USP20: variants seen among roughly 807,000 people sequenced by gnomAD.
The protein encoded by USP20 is ubiquitin carboxyl-terminal hydrolase 20.
USP20 carries 80 observed loss-of-function variants against 124.2 expected under a neutral mutation model. The ratio of observed to expected loss-of-function variants is 0.64; its 90% CI spans 0.54 to 0.78. The LOEUF (loss-of-function observed/expected upper bound fraction) is 0.78. Ranked by LOEUF, USP20 falls within the 30% of genes least tolerant of loss-of-function variation. The pLI is 0.00. For missense variants in USP20, 1,043 were observed against 1,244.4 expected (o/e 0.84, Z 2.44); for synonymous variants, 481 against 512.3 (o/e 0.94, Z 0.83).
Position 129,879,590 on chromosome 9 carries a change from G to A in USP20, c.2530G>A (p.Asp844Asn). Residue 844 changes from aspartate to asparagine, a missense_variant, in exon 24 of 26, where the codon GAC (aspartate) becomes AAC (asparagine). Coordinates refer to ENST00000372429, the MANE Select transcript of USP20 (RefSeq NM_001110303.4). The surrounding 1 kb of genome is among the most constrained non-coding windows in gnomAD (Gnocchi z 4.2). ...TGTTGCAGAGCCCCCCGGGCCCATT[G>A]ACAACAGCAGGATTGCACAGGTCAA... is the stretch of plus-strand genomic sequence containing the variant. ...GKDNEPPGPI[D>N]NSRIAQVKGS... 6.2e-7 allele frequency: 1 copy of A among 1,613,740 alleles called. No individual in the cohort carries two copies. The highest frequency in any genetic ancestry group is 8.5e-7 in the Non-Finnish European group (1 of 1,179,968).
chr9:129,862,819 G>A (rs1395882051), intron 8 of USP20, among the ~76,000 whole-genome samples: 1 of 148,330 alleles, frequency 6.7e-6, no homozygotes, highest in Non-Finnish European at 1.5e-5. Context: ...GGCAGGAGAA[G>A]CACTTGAACC....
At chr9:129,873,080 C>CTTTTTTTTTTTTTTTTTTTTTTTT (rs59712662) in intron 15 of USP20, among the ~76,000 whole-genome samples, 3 of 78,354 alleles carry the variant, frequency 3.8e-5, no homozygotes, top group Non-Finnish European at 7.0e-5. Context: ...TTTTCTTCTT[C>CTTTTTTTTTTTTTTTTTTTTTTTT]TTTTTTTTTT....
At chr9:129,863,395 GC>G (rs2033652163) in intron 9 of USP20, 96 bp downstream of exon 9, 2 of 960,930 alleles carry the variant, frequency 2.1e-6, no homozygotes, top group Admixed American at 2.5e-5. Flanking sequence ...TCAGCCCCCA[GC>G]GAGGACTTGC....
intron 1 of USP20, among the ~76,000 whole-genome samples, chr9:129,836,470 C>G (rs555245445): frequency 5.3e-5 from 8 of 152,100 alleles, no homozygotes; most frequent in Non-Finnish European, 1.5e-5. Context: ...CAGTCTCTGC[C>G]GCACGGTTTG....
chr9:129,869,675 T>C lies in USP20; in HGVS notation c.1396T>C (p.Ser466Pro), dbSNP rs1351479183. Residue 466 changes from serine to proline, a missense_variant, in exon 14 of 26, where the codon TCC becomes CCC. Coordinates refer to ENST00000372429, the MANE Select transcript of USP20 (RefSeq NM_001110303.4). ...AGACTGACCTTCAACCCCACAGGTA[T>C]CCACCACAGTGGAAACGTTCCAGGA... ...LVQCLTCDRV[S>P]TTVETFQDLS... 3.1e-6 allele frequency: 5 copies of C among 1,614,056 alleles called. No individual in the cohort carries two copies. The highest frequency in any genetic ancestry group is 3.4e-6 in the Non-Finnish European group (4 of 1,180,008).
chr9:129,854,247 G>C (rs1332704252), intron 3 of USP20, among the ~76,000 whole-genome samples: 2 of 152,148 alleles, frequency 1.3e-5, no homozygotes, highest in African/African-American at 4.8e-5. Flanking sequence ...TTCTGCTTCT[G>C]GGAATTTATC....
At chr9:129,844,004 G>T (rs988335371) in intron 1 of USP20, among the ~76,000 whole-genome samples, 11 of 152,074 alleles carry the variant, frequency 7.2e-5, no homozygotes, top group Admixed American at 6.5e-4. Context: ...GGAGGTAGAG[G>T]CTGCAGTGAA....
Position 129,874,478 on chromosome 9 carries a change from C to T in USP20, c.1741-98C>T, listed in dbSNP as rs1279111328. On this transcript the variant is annotated intron_variant, in intron 17 of 25. Transcript: ENST00000372429. ...CTTGGATTTGTTCCAATGGAGTCAG[C>T]TTGCATGATCCCATCAGCTGTCCTG... The T allele has an allele frequency of 3.4e-6, 5 of 1,491,822 alleles. No homozygotes were observed. The African/African-American group carries it at 6.9e-5, about 21-fold the overall frequency. The allele number at this position is 1,491,822 out of a possible 1,614,324, so 92.4% of individuals were successfully genotyped here.
chr9:129,869,269 A>G (rs755513257), intron 12 of USP20, 41 bp from the exon 13 acceptor site: 1 of 1,575,880 alleles, frequency 6.3e-7, no homozygotes, highest in Non-Finnish European at 8.7e-7. Flanking sequence ...CGCCCCGGCC[A>G]GGCAGGTGGA....
intron 1 of USP20, 189 bp downstream of exon 1, chr9:129,835,688 G>T (rs2031765733): frequency 6.5e-6 from 1 of 154,274 alleles, no homozygotes. Flanking sequence ...CGCCCAGGGG[G>T]GCCTCTGGGC....
rs1588295273 is a variant in USP20 at position 129,879,698 on chromosome 9, G to A, written c.2584+54G>A. ...CCTCTCTGCCCTTCCTGGCTGCCAG[G>A]CTGCTGCCCAGTCCCGTCCTTCCAG... On this transcript the variant is annotated intron_variant, in intron 24 of 25. Transcript: ENST00000372429. The surrounding 1 kb of genome is among the most constrained non-coding windows in gnomAD (Gnocchi z 4.2). 2 of 1,599,506 alleles carry A rather than the reference G, an allele frequency of 1.3e-6. No individual in the cohort carries two copies. The highest frequency in any genetic ancestry group is 2.2e-5 in the East Asian group (1 of 44,792).
chr9:129,857,081 A>G (rs2033254494), intron 4 of USP20, among the ~76,000 whole-genome samples: 1 of 152,010 alleles, frequency 6.6e-6, no homozygotes, highest in Non-Finnish European at 1.5e-5. Flanking sequence ...ACGAGTAAAA[A>G]CAACAAAGAC....
chr9:129,841,302 G>A (rs971512224), intron 1 of USP20, among the ~76,000 whole-genome samples: 1 of 152,078 alleles, frequency 6.6e-6, no homozygotes, highest in Admixed American at 6.6e-5. Flanking sequence ...GTGTGAGTCC[G>A]GATTTTCTCA....
At position 129,875,298 on chromosome 9, in the gene USP20, C is replaced by G. The variant is rs751500963; in HGVS notation, c.2049-12C>G. On this transcript the variant is annotated splice_polypyrimidine_tract_variant and intron_variant, in intron 19 of 25. Transcript: ENST00000372429. ...GTCAGGCACAGCTTCTCGCCCCCTC[C>G]TCACCCCACAGGAAGAGCAGCGAGG... 10 of 1,595,530 alleles carry G rather than the reference C, an allele frequency of 6.3e-6. No homozygotes were observed. The highest frequency in any genetic ancestry group is 7.7e-6 in the Non-Finnish European group (9 of 1,169,406).
At chr9:129,870,342 C>A (rs1298573466) in intron 14 of USP20, 111 bp from the exon 15 acceptor site, 4 of 1,189,964 alleles carry the variant, frequency 3.4e-6, no homozygotes, top group African/African-American at 1.5e-5. Flanking sequence ...CTTCTCTGGG[C>A]CTTCAGGGTC....
intron 1 of USP20, among the ~76,000 whole-genome samples, chr9:129,838,487 A>T (rs2032002544): frequency 6.6e-6 from 1 of 152,190 alleles, no homozygotes; most frequent in Non-Finnish European, 1.5e-5. Flanking sequence ...GCCCTCTGGG[A>T]AAAGGGTGAT....
chr9:129,869,240 A>G, intron 12 of USP20, 70 bp from the exon 13 acceptor site: 3 of 1,492,212 alleles, frequency 2.0e-6, no homozygotes, highest in Non-Finnish European at 2.8e-6. Context: ...TGTCAAAGGA[A>G]GCCGCAGGGC....
Position 129,870,457 on chromosome 9 carries a change from G to C in USP20, c.1570G>C (p.Val524Leu), listed in dbSNP as rs770710065. 14 of 1,613,956 alleles carry C rather than the reference G, an allele frequency of 8.7e-6. No homozygotes were observed. Residue 524 changes from valine (V) to leucine (L), a missense_variant, in exon 15 of 26, where the codon GTG (valine) becomes CTG (leucine). Coordinates refer to ENST00000372429, the MANE Select transcript of USP20 (RefSeq NM_001110303.4). ...AFIVEYIRRF[V>L]VSCTPSWFWG... ...GCACTCCTTTTCTGTCTGTAGGTTTGTGGTATCCTGTACCCCCAGCTGGTT... is the reference window on the plus strand; with the variant it reads ...GCACTCCTTTTCTGTCTGTAGGTTTCTGGTATCCTGTACCCCCAGCTGGTT...
rs748859972 is a variant in USP20 at position 129,879,624 on chromosome 9, G to T, written c.2564G>T (p.Gly855Val). The change falls in exon 24 of 26, where the codon GGC becomes GTC. Residue 855 changes from glycine to valine, a missense_variant. Transcript: ENST00000372429. The surrounding 1 kb of genome is among the most constrained non-coding windows in gnomAD (Gnocchi z 4.2). The stretch of plus-strand genomic sequence containing the variant: ...AGGATTGCACAGGTCAAAGGAAGCG[G>T]CCATGTCCAGCTGAAGCAGGGTGAG... Reference protein sequence around the residue: ...NSRIAQVKGSGHVQLKQGADY... With the variant: ...NSRIAQVKGSVHVQLKQGADY... 2 of 1,613,872 alleles carry T rather than the reference G, an allele frequency of 1.2e-6. No homozygotes were observed. Among genetic ancestry groups the T allele is most frequent in the South Asian group, 2.2e-5 (2 of 91,086 alleles).
Sources: allele counts gnomAD v4.1 joint callset (sites outside exome capture counted in the v4.1 genomes callset), GRCh38; gene constraint gnomAD v4.1.1; non-coding constraint Gnocchi (gnomAD v3.1); transcripts MANE v1.5; gene names NCBI Gene and HGNC (gene_info 2026-07-23, HGNC 2026-07-21).